The following SPNS3 variants were observed in gnomAD, a reference collection of about 807,000 sequenced individuals.
SPNS3 encodes the protein SPNS lysolipid transporter 3, sphingosine-1-phosphate (putative).
In SPNS3, 51 loss-of-function variants were observed where a neutral mutation model predicts 54.4. The ratio of observed to expected loss-of-function variants is 0.94; its 90% CI spans 0.75 to 1.18. The LOEUF (loss-of-function observed/expected upper bound fraction) is 1.18, where lower values mean the gene tolerates loss of function less well. SPNS3 is among the 50% of genes most tolerant of loss of function. SPNS3 has a pLI of 0.00. For missense variants in SPNS3, 669 were observed against 677.4 expected (o/e 0.99, Z 0.14); for synonymous variants, 309 against 294.7 (o/e 1.05, Z -0.50).
chr17:4,445,144 C>G lies in SPNS3; in HGVS notation c.378C>G (p.Leu126=), dbSNP rs762028524. 1.9e-6 allele frequency: 3 copies of G among 1,613,684 alleles called. No individual in the cohort carries two copies. Among genetic ancestry groups the G allele is most frequent in the East Asian group, 4.5e-5 (2 of 44,878 alleles). The change falls in exon 3 of 12, where the codon CTC becomes CTG. Residue 126 remains leucine (L), a synonymous_variant. Coordinates refer to ENST00000355530, the MANE Select transcript of SPNS3 (RefSeq NM_182538.5). ...TCTTGCTGTGGTCAGGAGCTGGCCT[C>G]TCTAGCTCCTTCATCTCCCCCCGGG... is the stretch of plus-strand genomic sequence containing the variant. ...FGILLWSGAG[L]SSSFISPRYS... is the part of the protein sequence containing the mutation.
Position 4,486,899 on chromosome 17 carries a change from C to T in SPNS3, c.1450+316C>T, listed in dbSNP as rs1305989507. Among the ~76,000 whole-genome samples, 2 of 152,076 alleles carry T rather than the reference C, an allele frequency of 1.3e-5. No individual in the cohort carries two copies. The highest frequency in any genetic ancestry group is 2.1e-4 in the South Asian group (1 of 4,822). ...GGAAAGGAAGGAGAAAGGGGCCGGG[C>T]GCGGTGGCTCACACCTGTAATCCCA... On this transcript the variant is annotated intron_variant, in intron 11 of 11. Coordinates refer to ENST00000355530, the MANE Select transcript of SPNS3 (RefSeq NM_182538.5). This position sits in a 1 kb window ranked among gnomAD's most constrained non-coding sequence, Gnocchi z 5.5.
rs190186530 is a variant in SPNS3, at chr17:4,443,243, G to C, written c.266-1789G>C. 3.5e-3 allele frequency among the ~76,000 whole-genome samples: 528 copies of C among 152,144 alleles called. 5 individuals carry two copies. The highest frequency in any genetic ancestry group is 0.012 in the African/African-American group (495 of 41,518). On this transcript the variant is annotated intron_variant, in intron 2 of 11. Coordinates refer to ENST00000355530, the MANE Select transcript of SPNS3 (RefSeq NM_182538.5). ...CCGCCACCATGCTCAGCTAACTTCT[G>C]TATTTTTAGTAGAGATGGGATTTTA...
At chr17:4,459,352 T>C (rs1971430371) in intron 8 of SPNS3, among the ~76,000 whole-genome samples, 1 of 152,086 alleles carries the variant, frequency 6.6e-6, no homozygotes, top group Admixed American at 6.6e-5. Flanking sequence ...AAACTGTTTG[T>C]ATTCATTTGT....
intron 8 of SPNS3, among the ~76,000 whole-genome samples, chr17:4,454,682 T>A (rs561567521): frequency 3.4e-5 from 5 of 145,658 alleles, no homozygotes; most frequent in Middle Eastern, 3.7e-3. Flanking sequence ...AGTGGCACGA[T>A]CTTGGCTCAC....
chr17:4,472,818 C>CTTTTTTTTTT (rs1555532306), intron 8 of SPNS3, among the ~76,000 whole-genome samples: 1 of 90,954 alleles, frequency 1.1e-5, no homozygotes, highest in African/African-American at 3.9e-5. Context: ...GAGGATTTTG[C>CTTTTTTTTTT]TGTCACCCAG....
At chr17:4,437,615 T>C (rs1270549075) in intron 1 of SPNS3, among the ~76,000 whole-genome samples, 1 of 150,936 alleles carries the variant, frequency 6.6e-6, no homozygotes, top group Non-Finnish European at 1.5e-5. Flanking sequence ...TGCAGTGAGC[T>C]GAGATCGTGT....
In SPNS3 at chr17:4,486,324, C is replaced by T. The variant is rs1174766094; in HGVS notation, c.1276C>T (p.Leu426Phe). ...CGCTGGCAGCCCCTATCTCACAGGA[C>T]TTGTAAGACGTGTCTGCGTGTGTGG... is the stretch of plus-strand genomic sequence containing the variant. ...GDAGSPYLTG[L>F]ISSVLRARRP... The change falls in exon 10 of 12, where the codon CTT becomes TTT. Residue 426 changes from leucine (L) to phenylalanine (F), a missense_variant and splice_region_variant. Leu to Phe is a conservative substitution (Grantham distance 22, BLOSUM62 0). Transcript: ENST00000355530. This position sits in a 1 kb window ranked among gnomAD's most constrained non-coding sequence, Gnocchi z 5.5. 3 of 1,593,896 alleles carry T rather than the reference C, an allele frequency of 1.9e-6. No individual in the cohort carries two copies. In the East Asian group the frequency reaches 6.7e-5, roughly 36 times the overall value.
At chr17:4,485,739 G>C (rs866660533) in intron 9 of SPNS3, among the ~76,000 whole-genome samples, 1 of 152,186 alleles carries the variant, frequency 6.6e-6, no homozygotes. Flanking sequence ...CCGTGGAGTC[G>C]TGCGGGCTTC....
At chr17:4,440,838 C>T (rs1970830585) in intron 2 of SPNS3, among the ~76,000 whole-genome samples, 1 of 152,168 alleles carries the variant, frequency 6.6e-6, no homozygotes, top group Admixed American at 6.6e-5. Flanking sequence ...GGCAAGGAGC[C>T]AAGCCTTATC....
chr17:4,448,624 C>A lies in SPNS3; in HGVS notation c.770+321C>A, dbSNP rs561300132. Among the ~76,000 whole-genome samples the A allele has an allele frequency of 2.8e-4, 43 of 152,344 alleles. No individual in the cohort carries two copies. In the South Asian group the frequency reaches 8.7e-3, roughly 31 times the overall value. On this transcript the variant is annotated intron_variant, in intron 6 of 11. Transcript: ENST00000355530. Reference sequence around the variant, plus strand: ...TCCTTTGTATTCAATGGATGGAATTCTCCAGCCTTGCCCCCTTCTCCGGGT... The same window carrying A: ...TCCTTTGTATTCAATGGATGGAATTATCCAGCCTTGCCCCCTTCTCCGGGT...
In SPNS3 at chr17:4,449,377, A is replaced by G; in HGVS notation, c.913A>G (p.Asn305Asp). ...TCCCTGCTTCCAGGAGCCGTGCAGCAACCCCGACAGGTGAGGGCATCCGGG... is the reference window on the plus strand; with the variant it reads ...TCCCTGCTTCCAGGAGCCGTGCAGCGACCCCGACAGGTGAGGGCATCCGGG... ...QPPCFQEPCS[N>D]PDSLIFGALT... is the part of the protein sequence containing the mutation. Residue 305 changes from asparagine (N) to aspartate (D), a missense_variant, in exon 7 of 12, where the codon AAC becomes GAC. Coordinates refer to ENST00000355530, the MANE Select transcript of SPNS3 (RefSeq NM_182538.5). The G allele has an allele frequency of 6.3e-7, 1 of 1,599,432 alleles. No homozygotes were observed. The highest frequency in any genetic ancestry group is 8.5e-7 in the Non-Finnish European group (1 of 1,177,430).
At chr17:4,484,181 G>C (rs1003993835) in intron 9 of SPNS3, among the ~76,000 whole-genome samples, 1 of 152,138 alleles carries the variant, frequency 6.6e-6, no homozygotes, top group African/African-American at 2.4e-5. Context: ...GGTGATGTTG[G>C]GCAAGTCACT....
At chr17:4,469,433 A>G (rs1323234652) in intron 8 of SPNS3, among the ~76,000 whole-genome samples, 1 of 152,096 alleles carries the variant, frequency 6.6e-6, no homozygotes, top group Non-Finnish European at 1.5e-5. Flanking sequence ...CCCAATGCAA[A>G]CATGGTGAAA....
chr17:4,450,741 C>T (rs1177453282), intron 7 of SPNS3, among the ~76,000 whole-genome samples: 1 of 150,202 alleles, frequency 6.7e-6, no homozygotes, highest in Non-Finnish European at 1.5e-5. Context: ...AGATTACAGG[C>T]ATGTGCTACC....
chr17:4,439,184 C>T (rs932371941), intron 1 of SPNS3, among the ~76,000 whole-genome samples: 18 of 151,566 alleles, frequency 1.2e-4, no homozygotes, highest in South Asian at 4.2e-4. Flanking sequence ...AGTGCAATGG[C>T]GCGATCTCGG....
intron 11 of SPNS3, among the ~76,000 whole-genome samples, chr17:4,487,167 C>CAAAAAAAAAAAAAAAAAAAAAAAAAAA (rs35822922): frequency 1.4e-5 from 1 of 70,488 alleles, no homozygotes; most frequent in Non-Finnish European, 2.6e-5. Context: ...AAGACTGTCT[C>CAAAAAAAAAAAAAAAAAAAAAAAAAAA]AAAAAAAAAA....
intron 8 of SPNS3, among the ~76,000 whole-genome samples, chr17:4,474,684 GGAGT>G (rs1971942953): frequency 1.3e-5 from 2 of 152,122 alleles, no homozygotes; most frequent in South Asian, 2.1e-4. Context: ...GATGTGCACA[GGAGT>G]GAGACACAAG....
chr17:4,465,880 C>T (rs1040098550), intron 8 of SPNS3, among the ~76,000 whole-genome samples: 1 of 152,228 alleles, frequency 6.6e-6, no homozygotes, highest in African/African-American at 2.4e-5. Flanking sequence ...TGGGCCCTGC[C>T]GACATCTGAC....
At chr17:4,478,775 G>A in intron 9 of SPNS3, 138 bp downstream of exon 9, 1 of 777,654 alleles carries the variant, frequency 1.3e-6, no homozygotes, top group Non-Finnish European at 2.1e-6. Flanking sequence ...GGTTATCTTG[G>A]ACCAGAGGCC....
Sources: gnomAD v4.1 joint callset for allele counts (sites outside exome capture counted in the v4.1 genomes callset) on GRCh38, gnomAD v4.1.1 for gene constraint, Gnocchi (gnomAD v3.1) non-coding constraint, MANE v1.5 for transcripts, NCBI Gene and HGNC (gene_info 2026-07-23, HGNC 2026-07-21) for gene names.